KCNQ5: variants seen among roughly 807,000 people sequenced by gnomAD.
The protein encoded by KCNQ5 is potassium voltage-gated channel subfamily Q member 5.
KCNQ5 carries 30 observed loss-of-function variants against 98.2 expected under a neutral mutation model. That is an observed-to-expected ratio of 0.31 (90% CI 0.23 to 0.41). The LOEUF is 0.41. KCNQ5 is among the 10% of genes least tolerant of loss of function. The pLI, the probability that KCNQ5 is intolerant of heterozygous loss-of-function variation, is 1.00. For synonymous variants in KCNQ5, 458 were observed against 449.4 expected, an observed-to-expected ratio of 1.02 and a Z score of -0.24; for missense variants, 835 against 1,182.5, an observed-to-expected ratio of 0.71 and a Z score of 4.31.
intron 5 of KCNQ5, among the ~76,000 whole-genome samples, chr6:73,093,766 G>A (rs539799244): frequency 9.9e-5 from 15 of 152,262 alleles, no homozygotes; most frequent in African/African-American, 3.4e-4. Flanking sequence ...TGTGGTCTGA[G>A]AGAGTGCTTG....
chr6:72,926,618 T>C (rs1765432431), intron 1 of KCNQ5, among the ~76,000 whole-genome samples: 1 of 152,106 alleles, frequency 6.6e-6, no homozygotes, highest in Non-Finnish European at 1.5e-5. Context: ...AAACTTGTAA[T>C]TGTGAAGGTT....
chr6:72,970,034 G>A (rs902139491), intron 1 of KCNQ5, among the ~76,000 whole-genome samples: 3 of 152,140 alleles, frequency 2.0e-5, no homozygotes, highest in Non-Finnish European at 4.4e-5. Flanking sequence ...TGAGGTGGGA[G>A]GATTCCTTGA....
chr6:72,834,990 T>G (rs1474422817), intron 1 of KCNQ5, among the ~76,000 whole-genome samples: 1 of 152,132 alleles, frequency 6.6e-6, no homozygotes, highest in Non-Finnish European at 1.5e-5. Flanking sequence ...TAAAGTAAAT[T>G]TTATAAATGT....
chr6:73,192,496 C>A, intron 12 of KCNQ5, 69 bp from the exon 13 acceptor site: 1 of 1,352,120 alleles, frequency 7.4e-7, no homozygotes, highest in South Asian at 2.1e-5. Context: ...TTTTCCAAAA[C>A]TCTTCATTCT....
At chr6:73,053,010 T>C (rs1772313359) in intron 3 of KCNQ5, among the ~76,000 whole-genome samples, 1 of 152,186 alleles carries the variant, frequency 6.6e-6, no homozygotes, top group South Asian at 2.1e-4. Context: ...CCATTTCACA[T>C]GCAGTGACAC....
chr6:72,907,439 G>A (rs968402572), intron 1 of KCNQ5, among the ~76,000 whole-genome samples: 4 of 152,152 alleles, frequency 2.6e-5, no homozygotes, highest in South Asian at 2.1e-4. Flanking sequence ...TATATGGAAT[G>A]TATTTTTGGT....
At chr6:73,128,873 C>T (rs1412826718) in intron 9 of KCNQ5, among the ~76,000 whole-genome samples, 2 of 152,110 alleles carry the variant, frequency 1.3e-5, no homozygotes, top group African/African-American at 4.8e-5. Context: ...TGCTGTGAGC[C>T]ACCGAGTGCT....
intron 12 of KCNQ5, 85 bp from the exon 13 acceptor site, chr6:73,192,480 A>T: frequency 2.5e-6 from 3 of 1,190,562 alleles, no homozygotes; most frequent in Admixed American, 2.9e-5. Flanking sequence ...ACTGTATTTA[A>T]TTTTTTTTTC....
At chr6:72,632,715 A>G (rs979456953) in intron 1 of KCNQ5, among the ~76,000 whole-genome samples, 12 of 152,114 alleles carry the variant, frequency 7.9e-5, no homozygotes, top group African/African-American at 2.7e-4. Flanking sequence ...TTCACTTAGG[A>G]TTATCGCTTC....
At chr6:72,811,082 A>C (rs1775219370) in intron 1 of KCNQ5, among the ~76,000 whole-genome samples, 1 of 152,184 alleles carries the variant, frequency 6.6e-6, no homozygotes, top group African/African-American at 2.4e-5. Context: ...GGCATTGCTC[A>C]AGCACAGATC....
intron 1 of KCNQ5, among the ~76,000 whole-genome samples, chr6:72,938,027 C>T (rs1006479675): frequency 6.6e-6 from 1 of 152,202 alleles, no homozygotes; most frequent in Non-Finnish European, 1.5e-5. Context: ...TCACCCTGCC[C>T]TGACCACCTT....
chr6:73,100,833 G>A (rs1774744437), intron 5 of KCNQ5, among the ~76,000 whole-genome samples: 1 of 151,990 alleles, frequency 6.6e-6, no homozygotes, highest in South Asian at 2.1e-4. Context: ...GAAATTCAAA[G>A]GATCATTAGA....
At chr6:73,171,639 C>G (rs760938764) in intron 11 of KCNQ5, among the ~76,000 whole-genome samples, 3 of 152,148 alleles carry the variant, frequency 2.0e-5, no homozygotes, top group Non-Finnish European at 4.4e-5. Flanking sequence ...GTTCGATAGC[C>G]ACAGGTGGCC....
At chr6:73,047,838 A>G (rs1199772683) in intron 3 of KCNQ5, among the ~76,000 whole-genome samples, 1 of 152,222 alleles carries the variant, frequency 6.6e-6, no homozygotes, top group African/African-American at 2.4e-5. Context: ...TAAAGGAGGT[A>G]TACTATAATT....
chr6:72,678,897 A>G (rs905162215), intron 1 of KCNQ5, among the ~76,000 whole-genome samples: 2 of 152,220 alleles, frequency 1.3e-5, no homozygotes, highest in Admixed American at 1.3e-4. Flanking sequence ...GACATGAAGC[A>G]CTTCTTTTAT....
At chr6:72,701,111 A>G (rs572779760) in intron 1 of KCNQ5, among the ~76,000 whole-genome samples, 1 of 152,342 alleles carries the variant, frequency 6.6e-6, no homozygotes, top group South Asian at 2.1e-4. Context: ...GAATTACTAA[A>G]ATGATCCTCT....
chr6:72,939,063 C>T (rs1766100536), intron 1 of KCNQ5, among the ~76,000 whole-genome samples: 1 of 152,222 alleles, frequency 6.6e-6, no homozygotes, highest in African/African-American at 2.4e-5. Context: ...TTTTAAGAAA[C>T]AAGGCCTTGA....
intron 1 of KCNQ5, among the ~76,000 whole-genome samples, chr6:73,003,114 A>G (rs1419294888): frequency 6.6e-6 from 1 of 152,150 alleles, no homozygotes; most frequent in Non-Finnish European, 1.5e-5. Flanking sequence ...TTTGAAACAG[A>G]GCCTTCCCTT....
At chr6:73,013,166 T>C (rs1353634599) in intron 2 of KCNQ5, among the ~76,000 whole-genome samples, 1 of 152,246 alleles carries the variant, frequency 6.6e-6, no homozygotes, top group Admixed American at 6.5e-5. Context: ...TACATAAACA[T>C]GTTCTCTAAA....
Sources: allele counts gnomAD v4.1 joint callset (sites outside exome capture counted in the v4.1 genomes callset), GRCh38; gene constraint gnomAD v4.1.1; transcripts MANE v1.5; gene names NCBI Gene and HGNC (gene_info 2026-07-23, HGNC 2026-07-21).